Variants in STXBP5 observed in about 807,000 individuals in gnomAD.
STXBP5 encodes the protein syntaxin binding protein 5, also known as syntaxin-binding protein 5.
STXBP5 carries 50 observed loss-of-function variants against 152.4 expected under a neutral mutation model. That is an observed-to-expected ratio of 0.33 (90% CI 0.26 to 0.42). STXBP5 has a LOEUF of 0.42. Among genes scored for constraint, STXBP5 ranks in the 10% least tolerant of loss-of-function variants. STXBP5 has a pLI of 1.00. For synonymous variants in STXBP5, 492 were observed against 494.7 expected (o/e 0.99, Z 0.07); for missense variants, 1,167 against 1,388.6 (o/e 0.84, Z 2.54).
chr6:147,283,872 G>T (rs1780823574), intron 8 of STXBP5, among the ~76,000 whole-genome samples: 1 of 152,086 alleles, frequency 6.6e-6, no homozygotes, highest in East Asian at 1.9e-4. Flanking sequence ...CCTCCCCATT[G>T]CAGACTAGTA....
intron 1 of STXBP5, among the ~76,000 whole-genome samples, chr6:147,205,201 TG>T (rs1776477894): frequency 2.0e-5 from 3 of 152,174 alleles, no homozygotes; most frequent in Admixed American, 6.5e-5. Context: ...CTGAGATTTT[TG>T]CCTGTTAATG....
rs1316039086 is a variant in STXBP5, at chr6:147,364,033, A to G, written c.2948A>G (p.Tyr983Cys). 3 of 1,613,954 alleles carry G rather than the reference A, an allele frequency of 1.9e-6. No homozygotes were observed. The highest frequency in any genetic ancestry group is 2.5e-6 in the Non-Finnish European group (3 of 1,179,972). The change falls in exon 25 of 28, where the codon TAT (tyrosine) becomes TGT (cysteine). Residue 983 changes from tyrosine to cysteine, a missense_variant. Coordinates refer to ENST00000321680, the MANE Select transcript of STXBP5 (RefSeq NM_001127715.4). ...LPSLRPLLDVYYLPLTNMRIA... is the reference protein window; with the variant it reads ...LPSLRPLLDVCYLPLTNMRIA... ...AGTTTAAGACCTCTGTTGGATGTGT[A>G]TTACTTGCCCCTTACCAATATGCGG...
chr6:147,233,619 AG>A (rs1467949015), intron 2 of STXBP5, among the ~76,000 whole-genome samples: 1 of 151,788 alleles, frequency 6.6e-6, no homozygotes, highest in East Asian at 1.9e-4. Context: ...GGTGCCAGAA[AG>A]AATAATTTAG....
At chr6:147,342,229 A>G (rs1784125154) in intron 21 of STXBP5, among the ~76,000 whole-genome samples, 1 of 152,184 alleles carries the variant, frequency 6.6e-6, no homozygotes, top group South Asian at 2.1e-4. Flanking sequence ...CTTGGTACCC[A>G]TCACTCAAGT....
chr6:147,310,961 T>C (rs2128370694), intron 10 of STXBP5, among the ~76,000 whole-genome samples: 1 of 152,248 alleles, frequency 6.6e-6, no homozygotes, highest in South Asian at 2.1e-4. Context: ...ACACATACAA[T>C]TAACCATCAG....
intron 9 of STXBP5, chr6:147,293,076 C>G (rs370123177): frequency 3.9e-5 from 6 of 152,028 alleles, no homozygotes; most frequent in Non-Finnish European, 5.9e-5. Context: ...GTTACAGTTG[C>G]CTACAATACT....
chr6:147,248,356 T>A (rs571835616), intron 4 of STXBP5, among the ~76,000 whole-genome samples: 1 of 151,784 alleles, frequency 6.6e-6, no homozygotes, highest in African/African-American at 2.4e-5. Flanking sequence ...AATGCATGAA[T>A]AGCTTACATT....
At chr6:147,359,060 T>C (rs773222461) in intron 22 of STXBP5, 24 bp from the exon 23 acceptor site, 132 of 1,602,906 alleles carry the variant, frequency 8.2e-5, no homozygotes, top group Non-Finnish European at 1.1e-4. Context: ...TTGAGCAATC[T>C]CACAACATTT....
At chr6:147,259,534 G>A (rs906594858) in intron 4 of STXBP5, among the ~76,000 whole-genome samples, 3 of 152,128 alleles carry the variant, frequency 2.0e-5, no homozygotes, top group Admixed American at 6.5e-5. Context: ...AATGAGTTGC[G>A]TGTGTATTTA....
intron 27 of STXBP5, 47 bp downstream of exon 27, chr6:147,383,045 A>G: frequency 6.3e-7 from 1 of 1,590,104 alleles, no homozygotes; most frequent in Non-Finnish European, 8.6e-7. Flanking sequence ...TAGGTAAAGC[A>G]AGTGTGAATG....
At chr6:147,325,109 TAA>T (rs769274467) in intron 17 of STXBP5, 25 bp downstream of exon 17, 34 of 1,476,242 alleles carry the variant, frequency 2.3e-5, no homozygotes, top group Non-Finnish European at 1.8e-5. Context: ...CGTTTTTTTC[TAA>T]GTCTCTTCAT....
At chr6:147,342,178 A>G (rs1042720480) in intron 21 of STXBP5, among the ~76,000 whole-genome samples, 1 of 152,204 alleles carries the variant, frequency 6.6e-6, no homozygotes, top group African/African-American at 2.4e-5. Flanking sequence ...TCTGGAAAAA[A>G]AAGATTAAGT....
At chr6:147,268,546 A>T (rs2115375551) in intron 7 of STXBP5, among the ~76,000 whole-genome samples, 1 of 152,266 alleles carries the variant, frequency 6.6e-6, no homozygotes, top group East Asian at 1.9e-4. Flanking sequence ...TGTTTTTATG[A>T]CTGTATACTT....
intron 22 of STXBP5, among the ~76,000 whole-genome samples, chr6:147,356,028 G>T (rs1784800810): frequency 6.6e-6 from 1 of 152,028 alleles, no homozygotes. Context: ...TTTCAAACTT[G>T]ACTGTTATTC....
chr6:147,324,644 C>T (rs1783131246), intron 16 of STXBP5, among the ~76,000 whole-genome samples: 1 of 151,914 alleles, frequency 6.6e-6, no homozygotes, highest in Non-Finnish European at 1.5e-5. Context: ...CCTTGGACTG[C>T]CGCTTCTCCT....
chr6:147,299,863 G>T (rs1330613975), intron 9 of STXBP5, among the ~76,000 whole-genome samples: 1 of 151,976 alleles, frequency 6.6e-6, no homozygotes, highest in East Asian at 1.9e-4. Flanking sequence ...GGAAAGGAGA[G>T]AGTCAAATTA....
intron 8 of STXBP5, among the ~76,000 whole-genome samples, chr6:147,290,421 G>A (rs1781221192): frequency 6.6e-6 from 1 of 152,126 alleles, no homozygotes; most frequent in Non-Finnish European, 1.5e-5. Flanking sequence ...GCCAGAAGAA[G>A]TATTATAATG....
At chr6:147,349,007 A>T (rs1458199438) in intron 21 of STXBP5, among the ~76,000 whole-genome samples, 1 of 152,076 alleles carries the variant, frequency 6.6e-6, no homozygotes, top group Admixed American at 6.6e-5. Context: ...CTGTTTCTTT[A>T]TTGTCCAAAT....
intron 2 of STXBP5, among the ~76,000 whole-genome samples, chr6:147,234,696 G>C (rs1177995327): frequency 2.6e-5 from 4 of 151,848 alleles, no homozygotes; most frequent in Non-Finnish European, 5.9e-5. Context: ...GTAAAAGATT[G>C]ACACGTTCAT....
Sources: allele counts gnomAD v4.1 joint callset (sites outside exome capture counted in the v4.1 genomes callset), GRCh38; gene constraint gnomAD v4.1.1; transcripts MANE v1.5; gene names NCBI Gene and HGNC (gene_info 2026-07-23, HGNC 2026-07-21).